SAMMSON: variants seen among roughly 807,000 people sequenced by gnomAD.
SAMMSON encodes the protein survival associated mitochondrial melanoma specific oncogenic non-coding RNA.
chr3:70,021,477 G>A (rs1187983529), intron 3 of SAMMSON, among the ~76,000 whole-genome samples: 2 of 152,134 alleles, frequency 1.3e-5, no homozygotes, highest in Non-Finnish European at 2.9e-5. Flanking sequence ...TGAGGAAGTG[G>A]CAAAATGCTA....
intron 7 of SAMMSON, among the ~76,000 whole-genome samples, chr3:70,294,094 C>T (rs1317772548): frequency 6.6e-6 from 1 of 152,058 alleles, no homozygotes; most frequent in East Asian, 1.9e-4. Flanking sequence ...TTTAAGTTGA[C>T]TCATCTAAGT....
At chr3:70,228,253 C>A (rs1053767259) in intron 4 of SAMMSON, among the ~76,000 whole-genome samples, 1 of 151,930 alleles carries the variant, frequency 6.6e-6, no homozygotes, top group African/African-American at 2.4e-5. Context: ...TGCCAAGATG[C>A]TGAAGAAAAC....
chr3:70,308,949 C>G (rs893532234), intron 7 of SAMMSON, among the ~76,000 whole-genome samples: 1 of 152,132 alleles, frequency 6.6e-6, no homozygotes, highest in South Asian at 2.1e-4. Context: ...TAACAGTGAG[C>G]AGTGTTCAGC....
At chr3:70,274,651 G>T (rs372004426) in intron 6 of SAMMSON, among the ~76,000 whole-genome samples, 10 of 152,110 alleles carry the variant, frequency 6.6e-5, no homozygotes, top group Non-Finnish European at 1.5e-4. Context: ...TGGGGAGGGA[G>T]AGCTTAATAC....
intron 2 of SAMMSON, among the ~76,000 whole-genome samples, chr3:70,421,972 A>G (rs1701316363): frequency 6.6e-6 from 1 of 152,104 alleles, no homozygotes; most frequent in Admixed American, 6.5e-5. Flanking sequence ...TGTCTGGTCC[A>G]TTAAAAAATG....
chr3:70,310,924 GCAAGTTACTAGAA>G (rs910527666), intron 7 of SAMMSON, among the ~76,000 whole-genome samples: 1 of 151,996 alleles, frequency 6.6e-6, no homozygotes, highest in Non-Finnish European at 1.5e-5. Flanking sequence ...GTAATTTTAG[GCAAGTTACTAGAA>G]CTCTTTAAGG....
At chr3:70,364,550 C>G (rs1268608292) in intron 9 of SAMMSON, among the ~76,000 whole-genome samples, 3 of 151,822 alleles carry the variant, frequency 2.0e-5, no homozygotes, top group Admixed American at 6.6e-5. Context: ...AAAATTCTAT[C>G]TTTAAAATGC....
intron 4 of SAMMSON, among the ~76,000 whole-genome samples, chr3:70,190,828 G>C (rs1364992805): frequency 2.0e-5 from 3 of 152,154 alleles, no homozygotes; most frequent in Non-Finnish European, 4.4e-5. Context: ...CCCAGGGGCA[G>C]TTTTACAAAC....
chr3:70,238,433 TC>T (rs1215857337), intron 4 of SAMMSON, among the ~76,000 whole-genome samples: 1 of 151,766 alleles, frequency 6.6e-6, no homozygotes, highest in Non-Finnish European at 1.5e-5. Flanking sequence ...CATGTAGAAA[TC>T]CCATCTCTAC....
At chr3:70,408,739 C>A (rs1575643348) in intron 2 of SAMMSON, among the ~76,000 whole-genome samples, 1 of 152,306 alleles carries the variant, frequency 6.6e-6, no homozygotes, top group South Asian at 2.1e-4. Context: ...CTGTTCCAAA[C>A]TCTGCCTGTT....
At chr3:70,360,754 G>A (rs1702864899) in intron 9 of SAMMSON, among the ~76,000 whole-genome samples, 1 of 151,932 alleles carries the variant, frequency 6.6e-6, no homozygotes, top group Non-Finnish European at 1.5e-5. Flanking sequence ...TAATATAAAT[G>A]GAAAAAAATT....
At chr3:70,075,497 C>G (rs1218595523) in intron 4 of SAMMSON, 1 of 152,108 alleles carries the variant, frequency 6.6e-6, no homozygotes, top group Non-Finnish European at 1.5e-5. Context: ...TTCACTGGAC[C>G]TTAGCTGTAA....
intron 2 of SAMMSON, among the ~76,000 whole-genome samples, chr3:70,398,453 G>C (rs1223636265): frequency 6.6e-6 from 1 of 152,108 alleles, no homozygotes; most frequent in Non-Finnish European, 1.5e-5. Flanking sequence ...CTAAAGCACT[G>C]TATTCTTTTT....
chr3:70,227,265 C>G (rs1295019758), intron 4 of SAMMSON, among the ~76,000 whole-genome samples: 2 of 152,188 alleles, frequency 1.3e-5, no homozygotes, highest in Non-Finnish European at 2.9e-5. Context: ...AAATTAATCT[C>G]TAAACCTATT....
intron 4 of SAMMSON, among the ~76,000 whole-genome samples, chr3:70,247,820 T>C (rs1039627047): frequency 3.4e-4 from 51 of 152,108 alleles, no homozygotes; most frequent in Admixed American, 1.8e-3. Context: ...AATAGGGTTA[T>C]GGTCATTAAA....
chr3:70,224,314 A>G (rs1346891902), intron 4 of SAMMSON, among the ~76,000 whole-genome samples: 1 of 152,206 alleles, frequency 6.6e-6, no homozygotes. Context: ...GATAAATCCA[A>G]TACATTTGGA....
chr3:70,269,254 A>G (rs1271465384), intron 6 of SAMMSON, among the ~76,000 whole-genome samples: 2 of 152,252 alleles, frequency 1.3e-5, no homozygotes, highest in African/African-American at 2.4e-5. Context: ...AAAAGAACCA[A>G]TAAATTCCAA....
chr3:70,370,424 A>C (rs1439116618), intron 9 of SAMMSON, among the ~76,000 whole-genome samples: 5 of 152,100 alleles, frequency 3.3e-5, no homozygotes. Flanking sequence ...CAGTCCCATC[A>C]ACAGTGTATA....
chr3:70,209,649 C>A (rs553664483), intron 4 of SAMMSON, among the ~76,000 whole-genome samples: 2 of 152,148 alleles, frequency 1.3e-5, no homozygotes, highest in East Asian at 3.9e-4. Flanking sequence ...TGGTAGATTC[C>A]AAAAGCTTTG....
Sources: gnomAD v4.1 joint callset for allele counts (sites outside exome capture counted in the v4.1 genomes callset) on GRCh38, gnomAD v4.1.1 for gene constraint, MANE v1.5 for transcripts, NCBI Gene and HGNC (gene_info 2026-07-23, HGNC 2026-07-21) for gene names.